Variants in TMEM232 observed in about 807,000 individuals in gnomAD.
The protein encoded by TMEM232 is transmembrane protein 232.
A neutral mutation model predicts 78.8 loss-of-function variants in TMEM232; 80 were observed. That is an observed-to-expected ratio of 1.01 (90% CI 0.85 to 1.22). TMEM232 has a LOEUF of 1.22. Among genes scored for constraint, TMEM232 ranks in the 50% most tolerant of loss-of-function variants. TMEM232 has a pLI of 0.00. For missense variants in TMEM232, 881 were observed against 742.2 expected (o/e 1.19, Z -2.17); for synonymous variants, 297 against 254.3 (o/e 1.17, Z -1.60).
intron 12 of TMEM232, among the ~76,000 whole-genome samples, chr5:110,475,884 C>T (rs184652019): frequency 2.0e-5 from 3 of 152,006 alleles, no homozygotes; most frequent in African/African-American, 7.2e-5. Flanking sequence ...AATTTCTAAC[C>T]AAAGTGGAAA....
intron 4 of TMEM232, among the ~76,000 whole-genome samples, chr5:110,388,778 G>A (rs1394679380): frequency 3.3e-5 from 5 of 152,172 alleles, no homozygotes; most frequent in African/African-American, 7.2e-5. Context: ...AGACTCTTAA[G>A]CAGTGATAGG....
At chr5:110,678,584 G>A (rs1792324481) in intron 1 of TMEM232, among the ~76,000 whole-genome samples, 1 of 152,018 alleles carries the variant, frequency 6.6e-6, no homozygotes, top group African/African-American at 2.4e-5. Context: ...CACATTCTAT[G>A]GGTTTGGACA....
At chr5:110,447,914 T>C (rs1308528200) in intron 12 of TMEM232, among the ~76,000 whole-genome samples, 2 of 152,092 alleles carry the variant, frequency 1.3e-5, no homozygotes, top group Admixed American at 6.6e-5. Context: ...AATAAAAAGA[T>C]GTTATTAAAT....
At chr5:110,586,869 T>C (rs533774693) in intron 10 of TMEM232, among the ~76,000 whole-genome samples, 2 of 152,156 alleles carry the variant, frequency 1.3e-5, no homozygotes, top group Non-Finnish European at 2.9e-5. Context: ...AATGCCCAGA[T>C]GCTCTAGAAT....
rs189198274 is a variant in TMEM232 at position 110,602,773 on chromosome 5, C to G, written c.1276+2336G>C. Among the ~76,000 whole-genome samples, 5 of 152,226 alleles carry G rather than the reference C, an allele frequency of 3.3e-5. No homozygotes were observed. The East Asian group carries it at 9.7e-4, about 29-fold the overall frequency. ...ATCTAGAACCAGAAATACCATTTGA[C>G]CCAGCAATTACATTACTGGGTATAT... is the stretch of plus-strand genomic sequence containing the variant. On this transcript the variant is annotated intron_variant, in intron 10 of 13. Transcript: ENST00000455884.
chr5:110,512,925 T>C (rs1327868736), intron 12 of TMEM232, among the ~76,000 whole-genome samples: 2 of 152,344 alleles, frequency 1.3e-5, no homozygotes, highest in Non-Finnish European at 2.9e-5. Flanking sequence ...TAAGATTCTT[T>C]ATCACATCAT....
chr5:110,652,344 T>A (rs1788460406), intron 2 of TMEM232, among the ~76,000 whole-genome samples: 1 of 141,588 alleles, frequency 7.1e-6, no homozygotes, highest in Non-Finnish European at 1.5e-5. Flanking sequence ...CAAATACAAA[T>A]TAAAATTACA....
intron 12 of TMEM232, among the ~76,000 whole-genome samples, chr5:110,480,759 C>T (rs1235055102): frequency 6.6e-6 from 1 of 151,862 alleles, no homozygotes; most frequent in Non-Finnish European, 1.5e-5. Context: ...CCAACTATTC[C>T]TGATGTCATT....
chr5:110,460,567 TTAAGTA>T (rs987941905), intron 12 of TMEM232, among the ~76,000 whole-genome samples: 9 of 152,128 alleles, frequency 5.9e-5, no homozygotes, highest in Non-Finnish European at 1.0e-4. Context: ...AATATTGCCT[TTAAGTA>T]TAATTTGCCA....
chr5:110,705,738 A>ATG lies in TMEM232; in HGVS notation c.-13+20887_-13+20888dup, dbSNP rs386404691. On this transcript the variant is annotated intron_variant, in intron 1 of 13. Transcript: ENST00000455884. ...TATATATATATACACACACACACATATGTGTGTGTGTGTGTATGTGTGTGC... is the reference window on the plus strand; with the variant it reads ...TATATATATATACACACACACACATATGTGTGTGTGTGTGTGTATGTGTGTGC... Among the ~76,000 whole-genome samples the ATG allele has an allele frequency of 2.0e-3, 282 of 144,438 alleles. 2 individuals are homozygous for ATG. The highest frequency in any genetic ancestry group is 6.8e-3 in the African/African-American group (263 of 38,780). 94.8% of individuals were successfully genotyped at this position (144,438 alleles called of 152,430 possible).
intron 1 of TMEM232, among the ~76,000 whole-genome samples, chr5:110,726,257 G>A (rs1798146919): frequency 6.6e-6 from 1 of 152,144 alleles, no homozygotes; most frequent in Non-Finnish European, 1.5e-5. Context: ...GATGTGTGAA[G>A]ACTGGTCTTC....
Position 110,642,276 on chromosome 5 carries a change from A to AT in TMEM232, c.220dup (p.Ile74AsnfsTer6), listed in dbSNP as rs1786845798. ...TGCCATTACCTTACATCTGAGAATGATTTTTCTAGCTAGTTCCAACAATTC... is the reference window on the plus strand; with the variant it reads ...TGCCATTACCTTACATCTGAGAATGATTTTTTCTAGCTAGTTCCAACAATTC... On this transcript the variant is annotated frameshift_variant, in exon 3 of 14. Transcript: ENST00000455884. LOFTEE classifies it high-confidence loss of function. 6.5e-7 allele frequency: 1 copy of AT among 1,536,598 alleles called. No homozygotes were observed.
intron 1 of TMEM232, among the ~76,000 whole-genome samples, chr5:110,677,913 A>C (rs554996390): frequency 7.2e-5 from 11 of 152,326 alleles, no homozygotes; most frequent in Admixed American, 2.0e-4. Context: ...ACGTTAGTTC[A>C]TGCAAAGAAT....
intron 2 of TMEM232, among the ~76,000 whole-genome samples, chr5:110,661,424 C>A (rs1375433566): frequency 2.7e-5 from 4 of 150,100 alleles, no homozygotes; most frequent in East Asian, 2.0e-4. Flanking sequence ...TAACCCCCCC[C>A]ACCTCATCTT....
intron 8 of TMEM232, among the ~76,000 whole-genome samples, chr5:110,608,683 C>T (rs868662771): frequency 6.6e-6 from 1 of 151,934 alleles, no homozygotes; most frequent in Non-Finnish European, 1.5e-5. Flanking sequence ...TGCTGCTGAT[C>T]ACAAAATTAT....
intron 11 of TMEM232, among the ~76,000 whole-genome samples, chr5:110,530,030 A>G (rs897491197): frequency 1.6e-4 from 25 of 152,226 alleles, no homozygotes; most frequent in African/African-American, 5.5e-4. Context: ...GATTCATATC[A>G]ATCTTGCGAT....
intron 12 of TMEM232, among the ~76,000 whole-genome samples, chr5:110,454,317 T>TAAAAAA (rs1187942208): frequency 6.6e-6 from 1 of 151,936 alleles, no homozygotes; most frequent in South Asian, 2.1e-4. Context: ...TATAAGACCA[T>TAAAAAA]AAAAAAATAT....
At chr5:110,495,135 T>C (rs1163365916) in intron 12 of TMEM232, among the ~76,000 whole-genome samples, 2 of 151,062 alleles carry the variant, frequency 1.3e-5, no homozygotes, top group Non-Finnish European at 3.0e-5. Context: ...AAATATTATA[T>C]AAAATAAATA....
intron 1 of TMEM232, among the ~76,000 whole-genome samples, chr5:110,695,396 G>C (rs1279282262): frequency 6.6e-6 from 1 of 152,180 alleles, no homozygotes; most frequent in Admixed American, 6.5e-5. Context: ...AAAAGAACTA[G>C]AGGAGCAAGA....
Sources: gnomAD v4.1 joint callset for allele counts (sites outside exome capture counted in the v4.1 genomes callset) on GRCh38, gnomAD v4.1.1 for gene constraint, MANE v1.5 for transcripts, NCBI Gene and HGNC (gene_info 2026-07-23, HGNC 2026-07-21) for gene names.